Variants in WRN observed in about 807,000 individuals in gnomAD.
WRN encodes the protein WRN RecQ like helicase.
Under a neutral mutation model 180.7 loss-of-function variants are expected in WRN, and 149 were observed. The ratio of observed to expected loss-of-function variants is 0.82; its 90% CI spans 0.72 to 0.94. The LOEUF is 0.94. WRN is among the 40% of genes least tolerant of loss of function. The pLI is 0.00. For synonymous variants in WRN, 548 were observed against 568.9 expected, an observed-to-expected ratio of 0.96 and a Z score of 0.52; for missense variants, 1,661 against 1,700.1, an observed-to-expected ratio of 0.98 and a Z score of 0.40.
chr8:31,116,587 A>C (rs1489492375), intron 20 of WRN, 59 bp downstream of exon 20: 3 of 1,599,870 alleles, frequency 1.9e-6, no homozygotes, highest in Admixed American at 3.3e-5. Context: ...ATATTTCTCA[A>C]ATGTTTATTT....
chr8:31,047,138 A>ATTTT (rs549940818), intron 1 of WRN, among the ~76,000 whole-genome samples: 4 of 115,312 alleles, frequency 3.5e-5, no homozygotes, highest in Non-Finnish European at 3.6e-5. Context: ...GGCAATGCTG[A>ATTTT]TTTTTTTTTT....
At chr8:31,136,310 G>A (rs1440451928) in intron 24 of WRN, among the ~76,000 whole-genome samples, 2 of 152,304 alleles carry the variant, frequency 1.3e-5, no homozygotes, top group East Asian at 3.9e-4. Flanking sequence ...TCTCTTTTGA[G>A]ATGGCATCCC....
At chr8:31,050,939 A>T (rs962286431) in intron 1 of WRN, among the ~76,000 whole-genome samples, 2 of 152,172 alleles carry the variant, frequency 1.3e-5, no homozygotes, top group African/African-American at 4.8e-5. Flanking sequence ...ATAGTATTGA[A>T]CCATTTTAAA....
At chr8:31,048,011 C>T (rs892997129) in intron 1 of WRN, among the ~76,000 whole-genome samples, 7 of 152,084 alleles carry the variant, frequency 4.6e-5, no homozygotes, top group African/African-American at 1.4e-4. Flanking sequence ...AAATTAATGG[C>T]ATTTTATTGT....
At chr8:31,058,743 A>G (rs971153103) in intron 2 of WRN, among the ~76,000 whole-genome samples, 200 bp downstream of exon 2, 17 of 152,122 alleles carry the variant, frequency 1.1e-4, no homozygotes, top group Admixed American at 3.9e-4. Flanking sequence ...TTCTTACTGT[A>G]TATTTTCTCT....
At chr8:31,120,733 CA>C (rs1298764198) in intron 21 of WRN, among the ~76,000 whole-genome samples, 3 of 151,922 alleles carry the variant, frequency 2.0e-5, no homozygotes, top group Non-Finnish European at 4.4e-5. Flanking sequence ...TACCATTGTG[CA>C]TTAATGAACA....
At chr8:31,087,671 T>C in intron 11 of WRN, 105 bp from the exon 12 acceptor site, 1 of 1,199,712 alleles carries the variant, frequency 8.3e-7, no homozygotes, top group Non-Finnish European at 1.2e-6. Flanking sequence ...TCTGCCAGCT[T>C]TCGACAAAAT....
intron 28 of WRN, 116 bp from the exon 29 acceptor site, chr8:31,146,937 A>G: frequency 1.2e-6 from 1 of 834,178 alleles, no homozygotes; most frequent in Non-Finnish European, 1.9e-6. Flanking sequence ...TACTGGTATC[A>G]TGAAGAATAA....
In WRN at chr8:31,090,277, T is replaced by A. The variant is rs189264426; in HGVS notation, c.1653-188T>A. The stretch of plus-strand genomic sequence containing the variant: ...TTTAATATATATACCAAATGGTAGT[T>A]GTTAGTTAGCTTGAATGGGACATTG... On this transcript the variant is annotated intron_variant, in intron 13 of 34. Transcript: ENST00000298139. 4.0e-5 allele frequency among the ~76,000 whole-genome samples: 6 copies of A among 151,540 alleles called. No homozygotes were observed. The East Asian group carries it at 1.2e-3, about 29-fold the overall frequency.
chr8:31,142,828 G>A lies in WRN; in HGVS notation c.3309+127G>A, dbSNP rs755284943. ...GCATATATAACAAAGCATAAAATTC[G>A]GCCAGGGAAGTGATGTGAACAGACT... On this transcript the variant is annotated intron_variant, in intron 27 of 34. Coordinates refer to ENST00000298139, the MANE Select transcript of WRN (RefSeq NM_000553.6). The A allele has an allele frequency of 3.8e-5, 30 of 788,458 alleles. No homozygotes were observed. The Admixed American group carries it at 3.8e-4, about 10-fold the overall frequency. The allele number at this position is 788,458 out of a possible 1,614,324, so 48.8% of individuals were successfully genotyped here.
At chr8:31,146,800 T>C (rs1006841834) in intron 28 of WRN, among the ~76,000 whole-genome samples, 10 of 152,222 alleles carry the variant, frequency 6.6e-5, no homozygotes, top group African/African-American at 2.4e-4. Context: ...ATGGGACAAA[T>C]GCTCTTTTTA....
intron 20 of WRN, among the ~76,000 whole-genome samples, chr8:31,119,278 A>T (rs1174391230): frequency 6.6e-6 from 1 of 151,808 alleles, no homozygotes; most frequent in Admixed American, 6.6e-5. Context: ...TACTGTTCTT[A>T]CAGTAAAAAA....
intron 33 of WRN, among the ~76,000 whole-genome samples, chr8:31,164,627 G>A (rs1415919357): frequency 6.6e-6 from 1 of 152,026 alleles, no homozygotes; most frequent in Non-Finnish European, 1.5e-5. Context: ...CTCTGTTTAT[G>A]GATTTGGGAT....
intron 24 of WRN, among the ~76,000 whole-genome samples, chr8:31,134,516 C>G (rs867264427): frequency 6.6e-6 from 1 of 152,122 alleles, no homozygotes; most frequent in Non-Finnish European, 1.5e-5. Flanking sequence ...TAAGGAACTT[C>G]GTTTTAGCTG....
intron 23 of WRN, among the ~76,000 whole-genome samples, chr8:31,130,736 G>A (rs1235661785): frequency 1.4e-5 from 2 of 145,120 alleles, no homozygotes; most frequent in Non-Finnish European, 3.0e-5. Context: ...AAGACAGATT[G>A]CCCCACAAGT....
chr8:31,067,269 G>A, intron 6 of WRN, 87 bp downstream of exon 6: 7 of 1,443,168 alleles, frequency 4.9e-6, no homozygotes, highest in Non-Finnish European at 6.6e-6. Context: ...TATAGTAGTG[G>A]CAGAAACTCT....
chr8:31,134,901 G>C (rs1357157202), intron 24 of WRN, among the ~76,000 whole-genome samples: 1 of 152,026 alleles, frequency 6.6e-6, no homozygotes, highest in Non-Finnish European at 1.5e-5. Flanking sequence ...TCATCTTTTG[G>C]TTTTATTTTG....
Position 31,175,439 on chromosome 8 carries a change from T to TA in WRN, c.*2344dup, listed in dbSNP as rs1365860916. Among the ~76,000 whole-genome samples the TA allele has an allele frequency of 2.6e-5, 4 of 151,864 alleles. No homozygotes were observed. Among genetic ancestry groups the TA allele is most frequent in the South Asian group, 2.1e-4 (1 of 4,826 alleles). Reference sequence around the variant, plus strand: ...ACAGAGCAAGACTCCGTCTCAAAAATAAAAAAAGAAATCATGACTGGGTAA... The same window carrying TA: ...ACAGAGCAAGACTCCGTCTCAAAAATAAAAAAAAGAAATCATGACTGGGTAA... On this transcript the variant is annotated 3_prime_UTR_variant, in exon 35 of 35. Coordinates refer to ENST00000298139, the MANE Select transcript of WRN (RefSeq NM_000553.6).
At chr8:31,130,020 C>A (rs5015940) in intron 23 of WRN, among the ~76,000 whole-genome samples, 124,313 of 131,572 alleles carry the variant, frequency 0.94, 58,906 homozygotes, top group Non-Finnish European at 1. Flanking sequence ...AAAAACAAAA[C>A]AAAACAAAAA....
Sources: allele counts gnomAD v4.1 joint callset (sites outside exome capture counted in the v4.1 genomes callset), GRCh38; gene constraint gnomAD v4.1.1; transcripts MANE v1.5; gene names NCBI Gene and HGNC (gene_info 2026-07-23, HGNC 2026-07-21).